Variants in PRKAR1B observed in about 807,000 individuals in gnomAD.
PRKAR1B encodes protein kinase cAMP-dependent type I regulatory subunit beta.
PRKAR1B carries 22 observed loss-of-function variants against 46.5 expected under a neutral mutation model. The ratio of observed to expected loss-of-function variants is 0.47; its 90% CI spans 0.34 to 0.68. The LOEUF (loss-of-function observed/expected upper bound fraction) is 0.68, where lower values mean the gene tolerates loss of function less well. Among genes scored for constraint, PRKAR1B ranks in the 30% least tolerant of loss-of-function variants. The pLI, the probability that PRKAR1B is intolerant of heterozygous loss-of-function variation, is 0.01. For missense variants in PRKAR1B, 445 were observed against 535.6 expected (o/e 0.83, Z 1.67); for synonymous variants, 259 against 217.7 (o/e 1.19, Z -1.67).
At chr7:693,059 C>T (rs1034411650) in intron 2 of PRKAR1B, among the ~76,000 whole-genome samples, 3 of 151,990 alleles carry the variant, frequency 2.0e-5, no homozygotes, top group East Asian at 1.9e-4. Context: ...CTCAGCCTCC[C>T]GAGTAGCTGG....
Position 726,963 on chromosome 7 carries a change from G to A in PRKAR1B, c.-23+247C>T, listed in dbSNP as rs1444914533. ...GGGCGCGCCTACTGCTGCCGCGCTTGCTGCGCTGCCTGAGCGACCCCGCCG... is the reference window on the plus strand; with the variant it reads ...GGGCGCGCCTACTGCTGCCGCGCTTACTGCGCTGCCTGAGCGACCCCGCCG... On this transcript the variant is annotated intron_variant, in intron 1 of 10. Coordinates refer to ENST00000537384, the MANE Select transcript of PRKAR1B (RefSeq NM_001164760.2). 2 of 1,321,784 alleles carry A rather than the reference G, an allele frequency of 1.5e-6. No homozygotes were observed. The highest frequency in any genetic ancestry group is 1.9e-6 in the Non-Finnish European group (2 of 1,031,412). 81.9% of individuals were successfully genotyped at this position (1,321,784 alleles called of 1,614,324 possible). A position where few individuals can be genotyped will look rare whatever the true frequency, so the allele number is the denominator to read the frequency against.
chr7:568,740 G>A (rs779352348), intron 9 of PRKAR1B, among the ~76,000 whole-genome samples: 35 of 152,348 alleles, frequency 2.3e-4, no homozygotes, highest in South Asian at 6.2e-4. Flanking sequence ...CAAAACATCC[G>A]TCTTTACGGC....
At chr7:557,117 G>A (rs567339925) in intron 9 of PRKAR1B, among the ~76,000 whole-genome samples, 14 of 152,302 alleles carry the variant, frequency 9.2e-5, no homozygotes, top group South Asian at 4.1e-4. Flanking sequence ...AGGGGAGCGC[G>A]GTCTCCTCAG....
At chr7:711,257 A>G (rs1780610047) in intron 2 of PRKAR1B, 72 bp downstream of exon 2, 1 of 1,567,856 alleles carries the variant, frequency 6.4e-7, no homozygotes, top group East Asian at 2.2e-5. Flanking sequence ...GACAGAGGGA[A>G]GGCTTCCCCG....
At chr7:685,319 T>TACAC in intron 2 of PRKAR1B, among the ~76,000 whole-genome samples, 4 of 59,438 alleles carry the variant, frequency 6.7e-5, no homozygotes, top group African/African-American at 3.2e-4. Context: ...TATATATACG[T>TACAC]ATATATACGT....
At chr7:710,789 C>T (rs1263913072) in intron 2 of PRKAR1B, among the ~76,000 whole-genome samples, 1 of 151,892 alleles carries the variant, frequency 6.6e-6, no homozygotes, top group Non-Finnish European at 1.5e-5. Flanking sequence ...GGATTACAGG[C>T]GCCGCCACCA....
intron 4 of PRKAR1B, among the ~76,000 whole-genome samples, chr7:653,847 C>G (rs1157003229): frequency 6.6e-6 from 1 of 152,078 alleles, no homozygotes; most frequent in African/African-American, 2.4e-5. Flanking sequence ...ATCATCATCA[C>G]TATCACCATC....
intron 8 of PRKAR1B, among the ~76,000 whole-genome samples, chr7:580,200 CAGCTTGGGAGACAG>C (rs1163594935): frequency 8.8e-5 from 13 of 147,758 alleles, no homozygotes; most frequent in Admixed American, 8.2e-4. Context: ...CACTGCACTC[CAGCTTGGGAGACAG>C]AGCAACACCC....
At position 726,608 on chromosome 7, in the gene PRKAR1B, G is replaced by C. The variant is rs1052174490; in HGVS notation, c.-23+602C>G. On this transcript the variant is annotated intron_variant, in intron 1 of 10. Transcript: ENST00000537384. The stretch of plus-strand genomic sequence containing the variant: ...AGCACAGGCCCACGTGCGCACCGGC[G>C]GGGAGGAAGTAGCCCGGCGCCCCGC... The C allele has an allele frequency of 3.6e-6, 3 of 824,176 alleles. No individual in the cohort carries two copies. The African/African-American group carries it at 5.3e-5, about 15-fold the overall frequency. 51.1% of individuals were successfully genotyped at this position (824,176 alleles called of 1,614,324 possible). A position where few individuals can be genotyped will look rare whatever the true frequency, so the allele number is the denominator to read the frequency against.
chr7:707,508 G>A (rs574105000), intron 2 of PRKAR1B, among the ~76,000 whole-genome samples: 44 of 152,078 alleles, frequency 2.9e-4, no homozygotes, highest in Non-Finnish European at 7.4e-5. Context: ...AAGGCCGCTG[G>A]GATCCGTGAA....
At chr7:691,618 G>C in intron 2 of PRKAR1B, 3 of 1,303,588 alleles carry the variant, frequency 2.3e-6, no homozygotes, top group Non-Finnish European at 3.0e-6. Context: ...ACGCCCTGCC[G>C]TGTGCTGAAT....
chr7:647,734 G>T (rs924727352), intron 4 of PRKAR1B, among the ~76,000 whole-genome samples: 11 of 150,592 alleles, frequency 7.3e-5, no homozygotes, highest in African/African-American at 2.7e-4. Flanking sequence ...TGAACCTGGG[G>T]GGGCAGAGCC....
intron 2 of PRKAR1B, among the ~76,000 whole-genome samples, chr7:705,325 AAAG>A (rs1019379385): frequency 4.7e-5 from 7 of 147,412 alleles, no homozygotes; most frequent in Non-Finnish European, 1.1e-4. Context: ...AAAAAAGAAA[AAAG>A]AAAAAAAAAA....
At chr7:645,052 T>C (rs1342681233) in intron 4 of PRKAR1B, among the ~76,000 whole-genome samples, 3 of 152,214 alleles carry the variant, frequency 2.0e-5, no homozygotes, top group Non-Finnish European at 2.9e-5. Context: ...TGCAGATCCC[T>C]GATTTAGAAA....
At chr7:654,344 A>T (rs552421641) in intron 4 of PRKAR1B, among the ~76,000 whole-genome samples, 1 of 150,060 alleles carries the variant, frequency 6.7e-6, no homozygotes, top group African/African-American at 2.5e-5. Context: ...CCTCATCACC[A>T]TCTTCATCTC....
At chr7:717,307 AAGAG>A (rs1780916588) in intron 1 of PRKAR1B, among the ~76,000 whole-genome samples, 3 of 151,780 alleles carry the variant, frequency 2.0e-5, no homozygotes, top group South Asian at 2.1e-4. Flanking sequence ...GAAAGAAAGA[AAGAG>A]AGAGAGACAG....
intron 4 of PRKAR1B, among the ~76,000 whole-genome samples, chr7:613,843 G>A (rs1782659309): frequency 6.6e-6 from 1 of 152,250 alleles, no homozygotes; most frequent in Non-Finnish European, 1.5e-5. Flanking sequence ...GCTCACCTGA[G>A]AATGTTTCCA....
In PRKAR1B at chr7:692,460, GGAGAA is replaced by G. The variant is rs375707907; in HGVS notation, c.178-11739_178-11735del. Among the ~76,000 whole-genome samples, 118 of 152,150 alleles carry G rather than the reference GGAGAA, an allele frequency of 7.8e-4. 1 individual carries two copies. The East Asian group carries it at 0.012, about 15-fold the overall frequency. ...AGAGAGAGAGAAGGAGAAGAGAAGA[GGAGAA>G]GAGAAGAGAAGAGAGAGAAGGCAGG... is the stretch of plus-strand genomic sequence containing the variant. On this transcript the variant is annotated intron_variant, in intron 2 of 10. Transcript: ENST00000537384.
intron 4 of PRKAR1B, among the ~76,000 whole-genome samples, chr7:665,314 GCTT>G (rs1236798887): frequency 6.6e-6 from 1 of 152,206 alleles, no homozygotes; most frequent in Non-Finnish European, 1.5e-5. Context: ...CAAAGTCCCA[GCTT>G]CTACTCCAAG....
Sources: allele counts gnomAD v4.1 joint callset (sites outside exome capture counted in the v4.1 genomes callset), GRCh38; gene constraint gnomAD v4.1.1; transcripts MANE v1.5; gene names NCBI Gene and HGNC (gene_info 2026-07-23, HGNC 2026-07-21).